Variants in NEK11 observed in about 807,000 individuals in gnomAD.
NEK11 encodes the protein NIMA related kinase 11, also known as serine/threonine-protein kinase Nek11.
NEK11 carries 72 observed loss-of-function variants against 80.7 expected under a neutral mutation model. That is an observed-to-expected ratio of 0.89 (90% CI 0.74 to 1.08). The LOEUF is 1.08. NEK11 is among the 50% of genes least tolerant of loss of function. The probability of loss-of-function intolerance (pLI) is 0.00; values close to 1 mark genes in which losing one functional copy is unlikely to be tolerated. For missense variants in NEK11, 764 were observed against 763.6 expected, an observed-to-expected ratio of 1.00 and a Z score of -0.01; for synonymous variants, 251 against 260.7, an observed-to-expected ratio of 0.96 and a Z score of 0.36.
At chr3:131,248,599 G>A (rs977048295) in intron 16 of NEK11, among the ~76,000 whole-genome samples, 33 of 152,078 alleles carry the variant, frequency 2.2e-4, no homozygotes, top group African/African-American at 5.3e-4. Context: ...TGGTCCCCCC[G>A]TGGAAAGCTG....
intron 6 of NEK11, 36 bp downstream of exon 6, chr3:131,132,845 G>A (rs766819102): frequency 1.1e-6 from 1 of 932,304 alleles, no homozygotes; most frequent in Non-Finnish European, 1.7e-6. Context: ...CAAAAACGCA[G>A]AACAGTATAT....
chr3:131,206,396 T>C (rs1340896211), intron 14 of NEK11, among the ~76,000 whole-genome samples: 1 of 152,220 alleles, frequency 6.6e-6, no homozygotes, highest in Non-Finnish European at 1.5e-5. Flanking sequence ...TTAACAAAGG[T>C]TTAATAGCTT....
chr3:131,035,540 C>G (rs761567335), intron 3 of NEK11, among the ~76,000 whole-genome samples: 29 of 152,162 alleles, frequency 1.9e-4, no homozygotes, highest in Admixed American at 3.3e-4. Flanking sequence ...CAGCCACCAC[C>G]CTGGGGTCCA....
chr3:131,089,584 A>T (rs894820186), intron 4 of NEK11, among the ~76,000 whole-genome samples: 3 of 152,120 alleles, frequency 2.0e-5, no homozygotes, highest in African/African-American at 7.2e-5. Context: ...GATTACAGGC[A>T]TGTGCCACCA....
chr3:131,197,290 G>A (rs763987405), intron 14 of NEK11, among the ~76,000 whole-genome samples: 1 of 152,144 alleles, frequency 6.6e-6, no homozygotes, highest in Non-Finnish European at 1.5e-5. Context: ...CGTAGTGGGG[G>A]TTATGCAGTT....
At position 131,134,035 on chromosome 3, in the gene NEK11, A is replaced by G. The variant is rs2085059753; in HGVS notation, c.647+79A>G. ...ATTTTGTCTTTCAGCTCATTTACTT[A>G]CTGCATACATTCACTTTATCCCTTT... is the stretch of plus-strand genomic sequence containing the variant. On this transcript the variant is annotated intron_variant, in intron 7 of 17. Transcript: ENST00000383366. The G allele has an allele frequency of 1.1e-5, 14 of 1,240,320 alleles. No individual in the cohort carries two copies. In the Admixed American group the frequency reaches 2.6e-4, roughly 23 times the overall value. 76.8% of individuals were successfully genotyped at this position (1,240,320 alleles called of 1,614,324 possible).
At chr3:131,235,344 C>A (rs2095412888) in intron 15 of NEK11, among the ~76,000 whole-genome samples, 1 of 152,184 alleles carries the variant, frequency 6.6e-6, no homozygotes, top group Admixed American at 6.5e-5. Flanking sequence ...CTGAGGTGCC[C>A]TGACCATATG....
rs2097330719 is a variant in NEK11 at position 131,344,347 on chromosome 3, C to T, written c.1719-5210C>T. On this transcript the variant is annotated intron_variant, in intron 17 of 17. Transcript: ENST00000383366. ...TAAGTTCCTCATTTCCATCTGACAC[C>T]TTGTCAGCCTGGACTTCACTGTTCA... Among the ~76,000 whole-genome samples the T allele has an allele frequency of 3.3e-5, 5 of 152,326 alleles. No homozygotes were observed. The South Asian group carries it at 1.0e-3, about 32-fold the overall frequency.
intron 17 of NEK11, among the ~76,000 whole-genome samples, chr3:131,335,620 C>A (rs1007251623): frequency 6.6e-6 from 1 of 151,902 alleles, no homozygotes; most frequent in Non-Finnish European, 1.5e-5. Context: ...CTGGCCAGGG[C>A]AATTAGGCAG....
intron 16 of NEK11, among the ~76,000 whole-genome samples, chr3:131,248,801 A>C (rs1055190604): frequency 6.6e-6 from 1 of 152,108 alleles, no homozygotes; most frequent in African/African-American, 2.4e-5. Context: ...TGCTTTTTCC[A>C]TGTGAAATAT....
chr3:131,302,060 TC>T (rs1178413879), intron 17 of NEK11, among the ~76,000 whole-genome samples: 1 of 152,144 alleles, frequency 6.6e-6, no homozygotes, highest in Non-Finnish European at 1.5e-5. Flanking sequence ...TTTCAAGAGT[TC>T]ATTTTCTTCC....
intron 4 of NEK11, among the ~76,000 whole-genome samples, chr3:131,095,189 C>A (rs2077258715): frequency 6.6e-6 from 1 of 152,116 alleles, no homozygotes; most frequent in African/African-American, 2.4e-5. Flanking sequence ...CCTGCCAAAG[C>A]ATTTCCTTAG....
intron 12 of NEK11, 94 bp downstream of exon 12, chr3:131,165,613 C>T: frequency 1.4e-6 from 1 of 726,398 alleles, no homozygotes; most frequent in South Asian, 1.7e-5. Context: ...AGGGAGAAAA[C>T]AAGAACATCC....
intron 17 of NEK11, among the ~76,000 whole-genome samples, chr3:131,319,917 C>G (rs2096880907): frequency 6.6e-6 from 1 of 151,958 alleles, no homozygotes; most frequent in East Asian, 1.9e-4. Flanking sequence ...CCAGAAACAG[C>G]ACTTTCTATT....
At chr3:131,204,081 A>C (rs1297900662) in intron 14 of NEK11, among the ~76,000 whole-genome samples, 1 of 152,000 alleles carries the variant, frequency 6.6e-6, no homozygotes, top group Admixed American at 6.6e-5. Context: ...CTTTTTGTCC[A>C]ATCACATTTT....
intron 14 of NEK11, among the ~76,000 whole-genome samples, chr3:131,203,817 A>G (rs1236325204): frequency 2.6e-4 from 24 of 91,868 alleles, no homozygotes; most frequent in African/African-American, 1.1e-3. Flanking sequence ...ATATATATAT[A>G]TATATATATA....
intron 14 of NEK11, among the ~76,000 whole-genome samples, chr3:131,193,423 T>G (rs140734957): frequency 6.6e-6 from 1 of 152,318 alleles, no homozygotes; most frequent in African/African-American, 2.4e-5. Context: ...ACTTCTATTC[T>G]AGGCATAAAA....
intron 5 of NEK11, among the ~76,000 whole-genome samples, chr3:131,118,546 G>T (rs912302859): frequency 2.0e-5 from 3 of 152,188 alleles, no homozygotes; most frequent in Non-Finnish European, 4.4e-5. Flanking sequence ...CAGAAGGAAT[G>T]ATACCAATTC....
chr3:131,026,880 G>T lies in NEK11; in HGVS notation c.-296G>T, dbSNP rs1438792648. ...GCCCCGCGCCGTCTCCCTGGCCACGGTTCCAAACAGCCGTGGCCCGCGGTG... is the reference window on the plus strand; with the variant it reads ...GCCCCGCGCCGTCTCCCTGGCCACGTTTCCAAACAGCCGTGGCCCGCGGTG... On this transcript the variant is annotated 5_prime_UTR_variant, in exon 1 of 18. Transcript: ENST00000383366. 6.6e-6 allele frequency: 1 copy of T among 152,252 alleles called. No homozygotes were observed. Among genetic ancestry groups the T allele is most frequent in the African/African-American group, 2.4e-5 (1 of 41,432 alleles). The allele number at this position is 152,252 out of a possible 1,614,324, so 9.4% of individuals were successfully genotyped here. A position where few individuals can be genotyped will look rare whatever the true frequency, so the allele number is the denominator to read the frequency against.
Sources: gnomAD v4.1 joint callset for allele counts (sites outside exome capture counted in the v4.1 genomes callset) on GRCh38, gnomAD v4.1.1 for gene constraint, MANE v1.5 for transcripts, NCBI Gene and HGNC (gene_info 2026-07-23, HGNC 2026-07-21) for gene names.